MTPAP: variants seen among roughly 807,000 people sequenced by gnomAD.
The protein encoded by MTPAP is mitochondrial poly(A) polymerase.
In MTPAP, 23 loss-of-function variants were observed where a neutral mutation model predicts 48.7. The observed-to-expected ratio is 0.47, with a 90% CI of 0.34 to 0.67. MTPAP has a LOEUF of 0.67. Among genes scored for constraint, MTPAP ranks in the 30% least tolerant of loss-of-function variants. MTPAP has a pLI of 0.01. For synonymous variants in MTPAP, 257 were observed against 254.1 expected (o/e 1.01, Z -0.11); for missense variants, 614 against 694.3 (o/e 0.88, Z 1.30).
chr10:30,339,308 G>A (rs1429127513), intron 3 of MTPAP, among the ~76,000 whole-genome samples: 1 of 152,058 alleles, frequency 6.6e-6, no homozygotes, highest in South Asian at 2.1e-4. Flanking sequence ...CCAAAGTGGC[G>A]AAACTCCGTC....
intron 6 of MTPAP, among the ~76,000 whole-genome samples, chr10:30,322,052 C>T (rs1840732311): frequency 6.6e-6 from 1 of 152,160 alleles, no homozygotes; most frequent in African/African-American, 2.4e-5. Flanking sequence ...ATTTGAAAGT[C>T]ATCTCTGAGA....
chr10:30,328,452 A>C (rs1834625075), intron 4 of MTPAP, among the ~76,000 whole-genome samples: 1 of 152,246 alleles, frequency 6.6e-6, no homozygotes, highest in Non-Finnish European at 1.5e-5. Context: ...CGTCAAAGGA[A>C]TATTTGCATA....
Position 30,322,311 on chromosome 10 carries a change from G to A in MTPAP, c.1219+80C>T, listed in dbSNP as rs564779357. On this transcript the variant is annotated intron_variant, in intron 6 of 8. Coordinates refer to ENST00000263063, the MANE Select transcript of MTPAP (RefSeq NM_018109.4). ...TTTTATGACTAATAAACAAATAGAC[G>A]GGACTTTGGTAACACATGGTAATTA... The A allele has an allele frequency of 2.4e-4, 284 of 1,190,976 alleles. No homozygotes were observed. In the East Asian group the frequency reaches 6.2e-3, roughly 26 times the overall value. 73.8% of individuals were successfully genotyped at this position (1,190,976 alleles called of 1,614,324 possible).
In MTPAP at chr10:30,326,717, A is replaced by G. The variant is rs896005010; in HGVS notation, c.781-82T>C. The G allele has an allele frequency of 4.9e-5, 50 of 1,025,860 alleles. No individual in the cohort carries two copies. The East Asian group carries it at 1.2e-3, about 25-fold the overall frequency. 63.5% of individuals were successfully genotyped at this position (1,025,860 alleles called of 1,614,324 possible). On this transcript the variant is annotated intron_variant, in intron 4 of 8. Transcript: ENST00000263063. ...ATAAGCTTTTGTAAAAGAATGCTCT[A>G]AATCACTGCTGGAAAGCAAAACAAA...
At chr10:30,317,719 C>T (rs769030433) in intron 6 of MTPAP, among the ~76,000 whole-genome samples, 3 of 152,134 alleles carry the variant, frequency 2.0e-5, no homozygotes, top group Non-Finnish European at 2.9e-5. Context: ...TGTATGCTGT[C>T]CACTCCTCTG....
Position 30,313,551 on chromosome 10 carries a change from G to GT in MTPAP, c.*57dup. ...GAAAGTTTCAAATCAGTTTTTCCAA[G>GT]TAAGTCCACAGACCATTTGATAGGC... On this transcript the variant is annotated 3_prime_UTR_variant, in exon 9 of 9. Coordinates refer to ENST00000263063, the MANE Select transcript of MTPAP (RefSeq NM_018109.4). 1 of 1,607,352 alleles carries GT rather than the reference G, an allele frequency of 6.2e-7. No individual in the cohort carries two copies. The highest frequency in any genetic ancestry group is 1.1e-5 in the South Asian group (1 of 90,372).
intron 2 of MTPAP, 40 bp from the exon 3 acceptor site, chr10:30,340,490 G>C (rs368547121): frequency 7.3e-7 from 1 of 1,376,752 alleles, no homozygotes. Context: ...CACATTTCAC[G>C]ATATATCTAA....
intron 1 of MTPAP, among the ~76,000 whole-genome samples, chr10:30,344,102 G>A (rs1396591570): frequency 1.3e-5 from 2 of 151,672 alleles, no homozygotes; most frequent in Non-Finnish European, 2.9e-5. Context: ...ATCCTTTAAT[G>A]GTTTCCCCAC....
At chr10:30,318,785 G>T (rs868306509) in intron 6 of MTPAP, among the ~76,000 whole-genome samples, 57 of 152,132 alleles carry the variant, frequency 3.7e-4, no homozygotes, top group Admixed American at 5.9e-4. Flanking sequence ...CTCCTACTAT[G>T]AACCCAATAC....
intron 4 of MTPAP, among the ~76,000 whole-genome samples, chr10:30,334,748 AC>A (rs1236550488): frequency 1.3e-5 from 2 of 152,212 alleles, no homozygotes; most frequent in African/African-American, 2.4e-5. Flanking sequence ...TAATTAAGAC[AC>A]AGAGGATTTC....
chr10:30,323,795 C>A (rs972122290), intron 5 of MTPAP, among the ~76,000 whole-genome samples: 1 of 152,210 alleles, frequency 6.6e-6, no homozygotes, highest in South Asian at 2.1e-4. Flanking sequence ...CAGGCGTGAG[C>A]CACTGTGCCC....
intron 3 of MTPAP, among the ~76,000 whole-genome samples, chr10:30,338,846 A>G (rs1029765290): frequency 6.6e-6 from 1 of 151,750 alleles, no homozygotes; most frequent in Non-Finnish European, 1.5e-5. Flanking sequence ...AAGACAGGCC[A>G]GGTGCAGTGG....
rs1482835105 is a variant in MTPAP at position 30,340,378 on chromosome 10, T to C, written c.403A>G (p.Ser135Gly). Residue 135 changes from serine (S) to glycine (G), a missense_variant, in exon 3 of 9, where the codon AGC becomes GGC. Transcript: ENST00000263063. The stretch of plus-strand genomic sequence containing the variant: ...GGAATTGCAGTCTCCATGGCCGTGC[T>C]TGGAGTATGAGTCCCATTCTGCAGT... ...GSLQNGTHTP[S>G]TAMETAIPFR... 1.2e-6 allele frequency: 2 copies of C among 1,614,074 alleles called. No individual in the cohort carries two copies. The highest frequency in any genetic ancestry group is 2.2e-5 in the East Asian group (1 of 44,896).
Position 30,349,076 on chromosome 10 carries a change from G to A in MTPAP, c.157+43C>T, listed in dbSNP as rs765561785. 16 of 1,613,186 alleles carry A rather than the reference G, an allele frequency of 9.9e-6. No individual in the cohort carries two copies. In the African/African-American group the frequency reaches 2.1e-4, roughly 22 times the overall value. ...GTTTCCCCGTGATCCCAGACTCCTCGCCCGCTGTGGGACGGAACTACAGGG... is the reference window on the plus strand; with the variant it reads ...GTTTCCCCGTGATCCCAGACTCCTCACCCGCTGTGGGACGGAACTACAGGG... On this transcript the variant is annotated intron_variant, in intron 1 of 8. Coordinates refer to ENST00000263063, the MANE Select transcript of MTPAP (RefSeq NM_018109.4).
intron 4 of MTPAP, 120 bp from the exon 5 acceptor site, chr10:30,326,755 C>G: frequency 1.3e-6 from 1 of 762,182 alleles, no homozygotes; most frequent in Non-Finnish European, 2.2e-6. Context: ...AAGAAAAAAA[C>G]AACCCACAAA....
chr10:30,336,651 C>T (rs1250033186), intron 4 of MTPAP, 152 bp downstream of exon 4: 1 of 730,080 alleles, frequency 1.4e-6, no homozygotes, highest in African/African-American at 1.8e-5. Flanking sequence ...AAAGACTTCA[C>T]CAAAGAATCA....
At chr10:30,321,428 C>T (rs999809242) in intron 6 of MTPAP, among the ~76,000 whole-genome samples, 4 of 152,028 alleles carry the variant, frequency 2.6e-5, no homozygotes, top group Non-Finnish European at 4.4e-5. Context: ...GAAGAGATCA[C>T]TTCTAATATG....
intron 4 of MTPAP, among the ~76,000 whole-genome samples, chr10:30,334,772 A>C (rs1834709356): frequency 6.6e-6 from 1 of 152,212 alleles, no homozygotes; most frequent in African/African-American, 2.4e-5. Context: ...TACTATGCTA[A>C]AGAAAAGAAG....
intron 4 of MTPAP, 123 bp from the exon 5 acceptor site, chr10:30,326,758 C>A: frequency 1.3e-6 from 1 of 752,268 alleles, no homozygotes; most frequent in Non-Finnish European, 2.2e-6. Flanking sequence ...AAAAAAACAA[C>A]CCACAAAATA....
Sources: allele counts gnomAD v4.1 joint callset (sites outside exome capture counted in the v4.1 genomes callset), GRCh38; gene constraint gnomAD v4.1.1; transcripts MANE v1.5; gene names NCBI Gene and HGNC (gene_info 2026-07-23, HGNC 2026-07-21).